Variants in ZBTB20 observed in about 807,000 individuals in gnomAD.
ZBTB20 encodes zinc finger and BTB domain-containing protein 20.
In ZBTB20, 9 loss-of-function variants were observed where a neutral mutation model predicts 56.9. The ratio of observed to expected loss-of-function variants is 0.16; its 90% CI spans 0.10 to 0.28. The LOEUF (loss-of-function observed/expected upper bound fraction) is 0.28, where lower values mean the gene tolerates loss of function less well. Ranked by LOEUF, ZBTB20 falls within the 10% of genes least tolerant of loss-of-function variation. ZBTB20 has a pLI of 1.00. For synonymous variants in ZBTB20, 417 were observed against 420.7 expected (o/e 0.99, Z 0.11); for missense variants, 655 against 1,003.0 (o/e 0.65, Z 4.69).
intron 5 of ZBTB20, among the ~76,000 whole-genome samples, chr3:114,703,128 A>G (rs992623564): frequency 6.6e-6 from 1 of 152,164 alleles, no homozygotes; most frequent in African/African-American, 2.4e-5. Context: ...GATTTGAGAG[A>G]AGAAGAATGA....
chr3:114,458,734 T>G (rs1370177496), intron 7 of ZBTB20, among the ~76,000 whole-genome samples: 1 of 152,132 alleles, frequency 6.6e-6, no homozygotes, highest in Non-Finnish European at 1.5e-5. Flanking sequence ...ACAGGTTTTT[T>G]TTTTTTATCT....
At chr3:114,346,224 A>G (rs1280082235) in intron 11 of ZBTB20, among the ~76,000 whole-genome samples, 1 of 152,252 alleles carries the variant, frequency 6.6e-6, no homozygotes, top group African/African-American at 2.4e-5. Flanking sequence ...CAGAGTTTAA[A>G]TTCCAAAGAG....
intron 6 of ZBTB20, among the ~76,000 whole-genome samples, chr3:114,502,573 C>G (rs2044126741): frequency 6.6e-6 from 1 of 152,022 alleles, no homozygotes; most frequent in Non-Finnish European, 1.5e-5. Flanking sequence ...AAATTTTAGG[C>G]AAGAGAATTA....
intron 1 of ZBTB20, among the ~76,000 whole-genome samples, chr3:115,139,575 A>G (rs1307925941): frequency 2.0e-5 from 3 of 152,058 alleles, no homozygotes; most frequent in Non-Finnish European, 4.4e-5. Flanking sequence ...AAAATTACCA[A>G]TTTTATAAGA....
In ZBTB20 at chr3:114,787,370, C is replaced by CAT. The variant is rs1553821545; in HGVS notation, c.-343+13730_-343+13731insAT. On this transcript the variant is annotated intron_variant, in intron 5 of 11. Transcript: ENST00000675478. ...ATATATATATATATATATATATATACACACACACACACACACACACACATA... is the reference window on the plus strand; with the variant it reads ...ATATATATATATATATATATATATACATACACACACACACACACACACACATA... Among the ~76,000 whole-genome samples, 122 of 114,392 alleles carry CAT rather than the reference C, an allele frequency of 1.1e-3. 7 individuals carry two copies. Among genetic ancestry groups the CAT allele is most frequent in the African/African-American group, 4.3e-3 (104 of 23,974 alleles). 75.0% of individuals were successfully genotyped at this position (114,392 alleles called of 152,430 possible).
chr3:114,918,220 G>A (rs2075823412), intron 3 of ZBTB20, among the ~76,000 whole-genome samples: 1 of 152,048 alleles, frequency 6.6e-6, no homozygotes, highest in Non-Finnish European at 1.5e-5. Flanking sequence ...TCAGCTTGTG[G>A]TGAATGCTGC....
At chr3:114,663,103 G>C (rs1441537024) in intron 6 of ZBTB20, among the ~76,000 whole-genome samples, 1 of 149,864 alleles carries the variant, frequency 6.7e-6, no homozygotes, top group Non-Finnish European at 1.5e-5. Context: ...CACCAAAGTT[G>C]AAATGAAGGA....
chr3:114,398,490 C>A (rs531797645), intron 7 of ZBTB20, among the ~76,000 whole-genome samples: 1 of 152,226 alleles, frequency 6.6e-6, no homozygotes, highest in African/African-American at 2.4e-5. Context: ...GCCATCACTG[C>A]CATTGCCCTG....
At chr3:114,619,745 A>C (rs2058191569) in intron 6 of ZBTB20, among the ~76,000 whole-genome samples, 1 of 152,202 alleles carries the variant, frequency 6.6e-6, no homozygotes, top group Non-Finnish European at 1.5e-5. Flanking sequence ...CAACTGCAGT[A>C]GGCTATTTTC....
At chr3:115,133,660 C>T (rs1380352197) in intron 1 of ZBTB20, among the ~76,000 whole-genome samples, 1 of 152,122 alleles carries the variant, frequency 6.6e-6, no homozygotes, top group Non-Finnish European at 1.5e-5. Context: ...GCCTCTTTCA[C>T]TGAGTATGTT....
chr3:114,522,515 T>C (rs991673176), intron 6 of ZBTB20, among the ~76,000 whole-genome samples: 3 of 152,192 alleles, frequency 2.0e-5, no homozygotes, highest in Non-Finnish European at 4.4e-5. Flanking sequence ...TTACATTACA[T>C]ATATTGCAAA....
chr3:114,973,564 C>T (rs535549247), intron 3 of ZBTB20, among the ~76,000 whole-genome samples: 3 of 152,252 alleles, frequency 2.0e-5, no homozygotes, highest in South Asian at 2.1e-4. Context: ...CACTGCTAAA[C>T]GGAATGTTTG....
Position 114,339,567 on chromosome 3 carries a change from C to A in ZBTB20, c.1805-141G>T, listed in dbSNP as rs2079607135. 9.4e-7 allele frequency: 1 copy of A among 1,065,950 alleles called. No individual in the cohort carries two copies. Among genetic ancestry groups the A allele is most frequent in the East Asian group, 2.6e-5 (1 of 38,354 alleles). 66.0% of individuals were successfully genotyped at this position (1,065,950 alleles called of 1,614,324 possible). A position where few individuals can be genotyped will look rare whatever the true frequency, so the allele number is the denominator to read the frequency against. On this transcript the variant is annotated intron_variant, in intron 11 of 11. Transcript: ENST00000675478. The surrounding 1 kb of genome is among the most constrained non-coding windows in gnomAD (Gnocchi z 4.2). Reference sequence around the variant, plus strand: ...AAATTTGATTGCTTAATGGATCATCCTCGTTTGGAAAAATCCAGGCCCTCC... The same window carrying A: ...AAATTTGATTGCTTAATGGATCATCATCGTTTGGAAAAATCCAGGCCCTCC...
chr3:114,450,524 C>A (rs928760333), intron 7 of ZBTB20, among the ~76,000 whole-genome samples: 6 of 152,062 alleles, frequency 3.9e-5, no homozygotes, highest in Non-Finnish European at 7.4e-5. Flanking sequence ...TATGATAAGG[C>A]ATTACAAATT....
intron 6 of ZBTB20, among the ~76,000 whole-genome samples, chr3:114,685,339 A>G (rs186086809): frequency 4.6e-5 from 7 of 152,308 alleles, no homozygotes; most frequent in African/African-American, 1.2e-4. Context: ...ATCAAGCCTC[A>G]TGATTTCAAA....
chr3:114,343,462 C>T (rs1283700528), intron 11 of ZBTB20, among the ~76,000 whole-genome samples: 1 of 152,180 alleles, frequency 6.6e-6, no homozygotes, highest in East Asian at 1.9e-4. Flanking sequence ...ACAATGCCCT[C>T]CTCTTTCGTG....
chr3:114,343,852 G>A (rs1325392622), intron 11 of ZBTB20, among the ~76,000 whole-genome samples: 1 of 152,068 alleles, frequency 6.6e-6, no homozygotes, highest in African/African-American at 2.4e-5. Context: ...GGCCGAGACC[G>A]GCCTGACCAA....
At chr3:114,530,903 T>A (rs1477558077) in intron 6 of ZBTB20, among the ~76,000 whole-genome samples, 1 of 152,232 alleles carries the variant, frequency 6.6e-6, no homozygotes, top group Admixed American at 6.5e-5. Flanking sequence ...TCCTCTTTTG[T>A]TTGGCTCCTC....
At chr3:115,081,899 G>A (rs1208650332) in intron 1 of ZBTB20, among the ~76,000 whole-genome samples, 1 of 152,146 alleles carries the variant, frequency 6.6e-6, no homozygotes, top group African/African-American at 2.4e-5. Context: ...CTGACTGGCA[G>A]GAATGTATCT....
Sources: allele counts gnomAD v4.1 joint callset (sites outside exome capture counted in the v4.1 genomes callset), GRCh38; gene constraint gnomAD v4.1.1; non-coding constraint Gnocchi (gnomAD v3.1); transcripts MANE v1.5; gene names NCBI Gene and HGNC (gene_info 2026-07-23, HGNC 2026-07-21).